The following EPG5 variants were observed in gnomAD, a reference collection of about 807,000 sequenced individuals.
The protein encoded by EPG5 is ectopic P granules protein 5 homolog.
EPG5 carries 159 observed loss-of-function variants against 302.7 expected under a neutral mutation model. The ratio of observed to expected loss-of-function variants is 0.53; its 90% CI spans 0.46 to 0.60. The LOEUF (loss-of-function observed/expected upper bound fraction) is 0.60, where lower values mean the gene tolerates loss of function less well. Ranked by LOEUF, EPG5 falls within the 20% of genes least tolerant of loss-of-function variation. The probability of loss-of-function intolerance (pLI) is 0.00; values close to 1 mark genes in which losing one functional copy is unlikely to be tolerated. For missense variants in EPG5, 2,896 were observed against 3,092.4 expected (o/e 0.94, Z 1.51); for synonymous variants, 1,158 against 1,136.8 (o/e 1.02, Z -0.37).
At chr18:45,839,070 C>T in the EPG5 span, 3 of 1,455,728 alleles carry the variant, frequency 2.1e-6, no homozygotes, top group Non-Finnish European at 2.7e-6. Flanking sequence ...GGGTCCTGGC[C>T]GCCCGCGCTG....
At chr18:45,811,593 G>A in the EPG5 span, among the ~76,000 whole-genome samples, 1 of 152,164 alleles carries the variant, frequency 6.6e-6, no homozygotes, top group Admixed American at 6.5e-5. Flanking sequence ...TCATCCCTGA[G>A]ATACAAGGCT....
chr18:45,838,928 C>A, the EPG5 span: 29 of 1,604,190 alleles, frequency 1.8e-5, no homozygotes, highest in Non-Finnish European at 2.2e-5. Context: ...GGCCGCTACA[C>A]GTGTACGGCC....
intron 36 of EPG5, among the ~76,000 whole-genome samples, chr18:45,870,191 T>C (rs1386987766): frequency 6.6e-6 from 1 of 152,174 alleles, no homozygotes; most frequent in East Asian, 1.9e-4. Flanking sequence ...CCAATTTACA[T>C]TTGCTTTAAT....
chr18:45,852,503 C>A lies in EPG5; in HGVS notation c.7704G>T (p.Leu2568=). The change falls in exon 44 of 44, where the codon CTG becomes CTT. Residue 2568 remains leucine (L), a synonymous_variant. Transcript: ENST00000282041. ...GGTCCAAATAATGCACTTCTGGATA[C>A]AGACAGTTAACGAGAAGAGCCAAGA... The part of the protein sequence containing the change: ...KSFLALLVNC[L]YPEVHYLDHI... The A allele has an allele frequency of 6.2e-7, 1 of 1,614,196 alleles. No homozygotes were observed. The highest frequency in any genetic ancestry group is 8.5e-7 in the Non-Finnish European group (1 of 1,180,038).
At chr18:45,952,741 T>G in intron 2 of EPG5, 98 bp from the exon 3 acceptor site, 1 of 1,235,422 alleles carries the variant, frequency 8.1e-7, no homozygotes, top group Non-Finnish European at 1.1e-6. Flanking sequence ...CAGTACCATC[T>G]TCAAAGAGCT....
chr18:45,858,763 T>C lies in EPG5; in HGVS notation c.7029A>G (p.Ser2343=). 1.2e-6 allele frequency: 2 copies of C among 1,613,922 alleles called. No individual in the cohort carries two copies. The highest frequency in any genetic ancestry group is 8.5e-7 in the Non-Finnish European group (1 of 1,179,780). The change falls in exon 41 of 44, where the codon TCA becomes TCG. Residue 2343 remains serine (S), a synonymous_variant. Coordinates refer to ENST00000282041, the MANE Select transcript of EPG5 (RefSeq NM_020964.3). The part of the protein sequence containing the change: ...YFKESPLNQN[S]GWGPILVSLQ... ...GGGATACCAGAATGGGTCCCCATCC[T>C]GAATTCTGATTGAGAGGGCCTAAGA...
the EPG5 span, among the ~76,000 whole-genome samples, chr18:45,835,328 C>G: frequency 6.6e-6 from 1 of 152,150 alleles, no homozygotes; most frequent in Non-Finnish European, 1.5e-5. Flanking sequence ...AAAAAGTATA[C>G]TTAAAATGAC....
chr18:45,944,789 T>A (rs1468778682), intron 7 of EPG5, among the ~76,000 whole-genome samples: 1 of 152,172 alleles, frequency 6.6e-6, no homozygotes, highest in South Asian at 2.1e-4. Flanking sequence ...GAGTTCAAAG[T>A]TATGTTAGCT....
In EPG5 at chr18:45,912,435, G is replaced by A; in HGVS notation, c.3838C>T (p.Leu1280Phe). Residue 1280 changes from leucine to phenylalanine, a missense_variant, in exon 22 of 44, where the codon CTC (leucine) becomes TTC (phenylalanine). Leu to Phe is a conservative substitution (Grantham distance 22). This residue lies in a region of EPG5 where 64 missense variants were observed against 101.8 expected (regional missense o/e 0.63). Transcript: ENST00000282041. ...CTCTGGAGGGATGGCACGATGGGGA[G>A]CTTCAGCTGGGTCTGGGCTTTCTAC... ...ALKKAQTQLK[L>F]PIVPSLQRLL... 1 of 1,600,960 alleles carries A rather than the reference G, an allele frequency of 6.2e-7. No homozygotes were observed.
chr18:45,843,296 AC>A (rs2048340742), downstream of EPG5: 1 of 151,968 alleles, frequency 6.6e-6, no homozygotes, highest in South Asian at 2.1e-4. Context: ...CCCTATTTAC[AC>A]CTCAGGGTGA....
chr18:45,880,208 A>G lies in EPG5; in HGVS notation c.5534T>C (p.Leu1845Pro). Residue 1845 changes from leucine (L) to proline (P), a missense_variant, in exon 32 of 44, where the codon CTT (leucine) becomes CCT (proline). By Grantham distance (98) the Leu-to-Pro change is moderately conservative (BLOSUM62 -3). Around this residue, in one of 5 missense-constraint regions of EPG5, gnomAD observed 790 missense variants for 798.0 expected, o/e 0.99. Transcript: ENST00000282041. The stretch of plus-strand genomic sequence containing the variant: ...GGCCTTCCAACACTCGGGGCTCAGA[A>G]GCTGCTCCGCGGAGCCTGCCAGCAG... The part of the protein sequence containing the change: ...RLLMQSSAEQ[L>P]LSPECWKATL... 1 of 1,601,816 alleles carries G rather than the reference A, an allele frequency of 6.2e-7. No individual in the cohort carries two copies.
At chr18:45,825,570 C>G in the EPG5 span, 4 of 681,022 alleles carry the variant, frequency 5.9e-6, no homozygotes, top group East Asian at 8.2e-5. Flanking sequence ...GGCTTCCTGT[C>G]CCCAGTTCCT....
At chr18:45,875,642 A>T (rs1233764517) in intron 35 of EPG5, among the ~76,000 whole-genome samples, 1 of 152,200 alleles carries the variant, frequency 6.6e-6, no homozygotes, top group Non-Finnish European at 1.5e-5. Context: ...AGAGGTTAAG[A>T]GTTAGGGAGG....
chr18:45,810,653 C>T, the EPG5 span, among the ~76,000 whole-genome samples: 2 of 152,090 alleles, frequency 1.3e-5, no homozygotes, highest in African/African-American at 4.8e-5. Context: ...TTGTGGCGCA[C>T]ACCTGTAATC....
At chr18:45,866,257 A>C (rs1047736583) in intron 38 of EPG5, among the ~76,000 whole-genome samples, 38 of 151,860 alleles carry the variant, frequency 2.5e-4, no homozygotes, top group African/African-American at 8.9e-4. Context: ...GTAGCTGGGA[A>C]TACAGGCACC....
intron 36 of EPG5, among the ~76,000 whole-genome samples, chr18:45,869,205 T>G (rs986955848): frequency 6.6e-6 from 1 of 152,222 alleles, no homozygotes; most frequent in Admixed American, 6.5e-5. Flanking sequence ...AAATGAAGAT[T>G]AAAAGCTCTA....
chr18:45,865,596 C>G lies in EPG5; in HGVS notation c.6766+19G>C, dbSNP rs1275319544. On this transcript the variant is annotated intron_variant, in intron 39 of 43. Coordinates refer to ENST00000282041, the MANE Select transcript of EPG5 (RefSeq NM_020964.3). ...ATGCATTGACTGAATGAATACAGGA[C>G]TTCCGACTGGTCACTTACCGGGCGG... 1.1e-5 allele frequency: 18 copies of G among 1,613,140 alleles called. No individual in the cohort carries two copies. The highest frequency in any genetic ancestry group is 1.4e-5 in the Non-Finnish European group (17 of 1,179,396).
At chr18:45,841,741 C>A in the EPG5 span, among the ~76,000 whole-genome samples, 3 of 152,124 alleles carry the variant, frequency 2.0e-5, no homozygotes, top group Non-Finnish European at 1.5e-5. Context: ...GAGGGTCATG[C>A]GTAGCACAGT....
At chr18:45,824,391 A>C in the EPG5 span, among the ~76,000 whole-genome samples, 4 of 152,290 alleles carry the variant, frequency 2.6e-5, no homozygotes, top group Admixed American at 2.6e-4. Flanking sequence ...TATTTTTAGT[A>C]GAGACGGTGT....
Sources: allele counts gnomAD v4.1 joint callset (sites outside exome capture counted in the v4.1 genomes callset), GRCh38; gene constraint gnomAD v4.1.1; regional missense constraint gnomAD v4.1.1; transcripts MANE v1.5; gene names NCBI Gene and HGNC (gene_info 2026-07-23, HGNC 2026-07-21).